ABCB4: variants seen among roughly 807,000 people sequenced by gnomAD.
ABCB4 encodes the protein phosphatidylcholine translocator ABCB4.
A neutral mutation model predicts 145.7 loss-of-function variants in ABCB4; 76 were observed. The ratio of observed to expected loss-of-function variants is 0.52; its 90% CI spans 0.43 to 0.63. The LOEUF (loss-of-function observed/expected upper bound fraction) is 0.63. Among genes scored for constraint, ABCB4 ranks in the 30% least tolerant of loss-of-function variants. The pLI is 0.00. For missense variants in ABCB4, 1,234 were observed against 1,553.1 expected (o/e 0.79, Z 3.45); for synonymous variants, 517 against 566.8 (o/e 0.91, Z 1.25).
At chr7:87,409,031 G>C (rs1039290416) in intron 24 of ABCB4, among the ~76,000 whole-genome samples, 1 of 150,678 alleles carries the variant, frequency 6.6e-6, no homozygotes, top group African/African-American at 2.4e-5. Flanking sequence ...TTATTTTGAT[G>C]TGCTAAACTT....
At chr7:87,421,787 T>C (rs1809455396) in intron 18 of ABCB4, among the ~76,000 whole-genome samples, 1 of 152,258 alleles carries the variant, frequency 6.6e-6, no homozygotes, top group South Asian at 2.1e-4. Context: ...TGATATTCTA[T>C]AAAGAGTAAC....
Position 87,406,480 on chromosome 7 carries a change from T to C in ABCB4, c.3294A>G (p.Gln1098=). ...PLAGTVLLDG[Q]EAKKLNVQWL... ...ACTGGACATTGAGTTTCTTTGCTTC[T>C]TGACCATCGAGAAGCTGAAAACCAA... is the stretch of plus-strand genomic sequence containing the variant. Residue 1098 remains glutamine (Q), a synonymous_variant, in exon 26 of 28, where the codon CAA becomes CAG. Transcript: ENST00000649586. 1 of 1,613,986 alleles carries C rather than the reference T, an allele frequency of 6.2e-7. No homozygotes were observed.
intron 11 of ABCB4, 106 bp from the exon 12 acceptor site, chr7:87,443,550 A>G (rs1346055304): frequency 6.5e-7 from 1 of 1,550,248 alleles, no homozygotes; most frequent in Non-Finnish European, 8.8e-7. Context: ...ATAAGGGAAT[A>G]TAACCCCCAA....
chr7:87,463,557 C>T (rs900421394), intron 3 of ABCB4, among the ~76,000 whole-genome samples: 5 of 152,118 alleles, frequency 3.3e-5, no homozygotes, highest in African/African-American at 1.2e-4. Flanking sequence ...AGAGGGAGTT[C>T]GCTGGAGAAG....
At chr7:87,444,490 T>G (rs2116726573) in intron 10 of ABCB4, among the ~76,000 whole-genome samples, 1 of 152,310 alleles carries the variant, frequency 6.6e-6, no homozygotes, top group East Asian at 1.9e-4. Flanking sequence ...TACTGTCAAT[T>G]TTGGTCCCAC....
intron 16 of ABCB4, among the ~76,000 whole-genome samples, chr7:87,424,922 A>G (rs986308494): frequency 3.3e-5 from 5 of 152,186 alleles, no homozygotes; most frequent in African/African-American, 1.2e-4. Flanking sequence ...TGACTATGGA[A>G]TCCCAAAAAC....
At chr7:87,381,582 T>C in the ABCB4 span, among the ~76,000 whole-genome samples, 2 of 152,340 alleles carry the variant, frequency 1.3e-5, no homozygotes, top group African/African-American at 2.4e-5. Context: ...GTGTTGCATA[T>C]ATACACTTGC....
downstream of ABCB4, chr7:87,398,752 T>C: frequency 2.8e-6 from 3 of 1,059,394 alleles, no homozygotes; most frequent in Non-Finnish European, 4.1e-6. Flanking sequence ...AACATTCCTT[T>C]AACAAGTTAA....
chr7:87,444,578 T>A (rs1022037803), intron 10 of ABCB4, among the ~76,000 whole-genome samples: 6 of 152,094 alleles, frequency 3.9e-5, no homozygotes, highest in African/African-American at 9.7e-5. Flanking sequence ...GTGAAAAAGA[T>A]AAAAACTAGG....
intron 3 of ABCB4, among the ~76,000 whole-genome samples, chr7:87,467,859 C>T (rs1457007542): frequency 6.6e-6 from 1 of 152,164 alleles, no homozygotes; most frequent in African/African-American, 2.4e-5. Flanking sequence ...AGAACAAAGA[C>T]ACAACATACC....
chr7:87,444,926 G>A lies in ABCB4; in HGVS notation c.1055C>T (p.Pro352Leu), dbSNP rs199662246. The stretch of plus-strand genomic sequence containing the variant: ...TGCATTGGCAAAAGCATCAATACAT[G>A]GGGCAGCCTGGCCAACACTGAAAGC... The part of the protein sequence containing the change: ...IGAFSVGQAA[P>L]CIDAFANARG... Residue 352 changes from proline (P) to leucine (L), a missense_variant, in exon 10 of 28, where the codon CCA becomes CTA. This residue lies in a region of ABCB4 where 467 missense variants were observed against 632.8 expected (regional missense o/e 0.74). Transcript: ENST00000649586. 162 of 1,607,380 alleles carry A rather than the reference G, an allele frequency of 1.0e-4. 1 individual carries two copies. The highest frequency in any genetic ancestry group is 5.1e-5 in the Non-Finnish European group (60 of 1,179,496).
chr7:87,431,314 C>T (rs1490060198), intron 15 of ABCB4, 90 bp downstream of exon 15: 2 of 1,524,476 alleles, frequency 1.3e-6, no homozygotes, highest in African/African-American at 2.8e-5. Flanking sequence ...TCTTCTTGCT[C>T]AGTATAGCAT....
At chr7:87,461,706 A>T (rs1289552045) in intron 4 of ABCB4, among the ~76,000 whole-genome samples, 59 of 152,224 alleles carry the variant, frequency 3.9e-4, no homozygotes, top group Admixed American at 3.7e-3. Context: ...TAAATATTCA[A>T]AGGATGCTTT....
chr7:87,432,238 A>T (rs45529936), intron 14 of ABCB4, among the ~76,000 whole-genome samples: 2 of 152,204 alleles, frequency 1.3e-5, no homozygotes, highest in Admixed American at 6.6e-5. Flanking sequence ...ATAAATGGGC[A>T]TTTAAACCCT....
chr7:87,393,751 C>A, the ABCB4 span, among the ~76,000 whole-genome samples: 1 of 152,140 alleles, frequency 6.6e-6, no homozygotes, highest in Non-Finnish European at 1.5e-5. Context: ...GGAGGCACTT[C>A]AGATAGAATG....
At chr7:87,389,912 A>C in the ABCB4 span, among the ~76,000 whole-genome samples, 1 of 152,118 alleles carries the variant, frequency 6.6e-6, no homozygotes, top group African/African-American at 2.4e-5. Flanking sequence ...TTTTTTTTAT[A>C]TAGAAGATAT....
chr7:87,433,682 T>TG (rs1810404538), intron 14 of ABCB4, among the ~76,000 whole-genome samples: 1 of 149,924 alleles, frequency 6.7e-6, no homozygotes, highest in African/African-American at 2.5e-5. Flanking sequence ...GTTGTTTTTT[T>TG]TTTTTTTTTT....
intron 22 of ABCB4, among the ~76,000 whole-genome samples, chr7:87,412,955 T>C (rs563024356): frequency 6.6e-6 from 1 of 152,364 alleles, no homozygotes; most frequent in Admixed American, 6.5e-5. Flanking sequence ...GGAGATGGCA[T>C]AAATTGAGAC....
intron 12 of ABCB4, among the ~76,000 whole-genome samples, chr7:87,442,665 C>T (rs943574174): frequency 6.6e-6 from 1 of 152,034 alleles, no homozygotes; most frequent in Non-Finnish European, 1.5e-5. Flanking sequence ...TACACACACA[C>T]ACGGAGAAAG....
Sources: allele counts gnomAD v4.1 joint callset (sites outside exome capture counted in the v4.1 genomes callset), GRCh38; gene constraint gnomAD v4.1.1; regional missense constraint gnomAD v4.1.1; transcripts MANE v1.5; gene names NCBI Gene and HGNC (gene_info 2026-07-23, HGNC 2026-07-21).